TRIM2: variants seen among roughly 807,000 people sequenced by gnomAD.
TRIM2 encodes tripartite motif-containing protein 2.
A neutral mutation model predicts 75.2 loss-of-function variants in TRIM2; 20 were observed. That is an observed-to-expected ratio of 0.27 (90% CI 0.19 to 0.39). The LOEUF (loss-of-function observed/expected upper bound fraction) is 0.39. Ranked by LOEUF, TRIM2 falls within the 10% of genes least tolerant of loss-of-function variation. The pLI, the probability that TRIM2 is intolerant of heterozygous loss-of-function variation, is 1.00. For missense variants in TRIM2, 660 were observed against 990.8 expected (o/e 0.67, Z 4.48); for synonymous variants, 373 against 388.3 (o/e 0.96, Z 0.46).
intron 6 of TRIM2, among the ~76,000 whole-genome samples, chr4:153,311,441 G>A (rs1766274439): frequency 6.6e-6 from 1 of 151,876 alleles, no homozygotes; most frequent in South Asian, 2.1e-4. Context: ...AAAGGCTAGA[G>A]GAAGGAGAGC....
upstream of TRIM2, among the ~76,000 whole-genome samples, chr4:153,203,775 C>A (rs1734719820): frequency 6.6e-6 from 1 of 152,090 alleles, no homozygotes; most frequent in African/African-American, 2.4e-5. Context: ...TCCTGTAATT[C>A]CAGCTACTCA....
chr4:153,217,019 T>A (rs1176533485), intron 1 of TRIM2, among the ~76,000 whole-genome samples: 3 of 152,232 alleles, frequency 2.0e-5, no homozygotes, highest in African/African-American at 7.2e-5. Flanking sequence ...TGAACTTTTA[T>A]TTCTCCCCAA....
At chr4:153,249,501 GT>G (rs1229538624) in intron 1 of TRIM2, among the ~76,000 whole-genome samples, 8 of 152,374 alleles carry the variant, frequency 5.3e-5, no homozygotes, top group Admixed American at 1.3e-4. Context: ...TGAATTACAT[GT>G]TGGTCTAAAA....
chr4:153,312,903 G>C (rs1215451303), intron 6 of TRIM2, among the ~76,000 whole-genome samples: 1 of 152,020 alleles, frequency 6.6e-6, no homozygotes, highest in Non-Finnish European at 1.5e-5. Context: ...TGCTGTACCT[G>C]TTACCTAGCT....
At chr4:153,187,199 CA>C (rs984335903) in intron 1 of TRIM2, among the ~76,000 whole-genome samples, 1 of 152,074 alleles carries the variant, frequency 6.6e-6, no homozygotes, top group African/African-American at 2.4e-5. Flanking sequence ...AATGCTAAAA[CA>C]GCACATTTTT....
At chr4:153,273,270 C>CTTTTTTGTTTTTTTTT (rs1757199560) in intron 2 of TRIM2, among the ~76,000 whole-genome samples, 1 of 57,390 alleles carries the variant, frequency 1.7e-5, no homozygotes, top group Non-Finnish European at 3.2e-5. Context: ...TACAGTCACT[C>CTTTTTTGTTTTTTTTT]TTTTTTTTTT....
chr4:153,272,944 T>G (rs920355491), intron 2 of TRIM2, among the ~76,000 whole-genome samples: 9 of 152,110 alleles, frequency 5.9e-5, no homozygotes, highest in Non-Finnish European at 8.8e-5. Flanking sequence ...GGTTAAGTGA[T>G]TCTCCTGCCT....
chr4:153,278,645 A>C lies in TRIM2; in HGVS notation c.453+2515A>C, dbSNP rs558339030. Among the ~76,000 whole-genome samples, 318 of 152,238 alleles carry C rather than the reference A, an allele frequency of 2.1e-3. 1 individual carries two copies. The highest frequency in any genetic ancestry group is 7.3e-3 in the African/African-American group (302 of 41,550). On this transcript the variant is annotated intron_variant, in intron 3 of 11. Transcript: ENST00000338700. ...GAAATCCCACCTCTACCAAAAATAC[A>C]AAAATCAGCTGGGCATGATGGGGCT...
chr4:153,207,155 C>A (rs555796136), intron 1 of TRIM2, among the ~76,000 whole-genome samples: 1 of 152,182 alleles, frequency 6.6e-6, no homozygotes, highest in Non-Finnish European at 1.5e-5. Flanking sequence ...TCATGATTCA[C>A]ACTTCAGGTC....
upstream of TRIM2, among the ~76,000 whole-genome samples, chr4:153,201,783 G>A (rs1734400740): frequency 6.6e-6 from 1 of 152,178 alleles, no homozygotes; most frequent in Admixed American, 6.5e-5. Flanking sequence ...ATGGTGTCCT[G>A]AAGCTTTTTA....
intron 1 of TRIM2, among the ~76,000 whole-genome samples, chr4:153,250,370 T>C (rs1750573998): frequency 6.6e-6 from 1 of 152,212 alleles, no homozygotes; most frequent in African/African-American, 2.4e-5. Flanking sequence ...TCTGCCCACC[T>C]TGGCCTCCAA....
At chr4:153,205,277 C>T (rs1425568848) in intron 1 of TRIM2, among the ~76,000 whole-genome samples, 1 of 152,194 alleles carries the variant, frequency 6.6e-6, no homozygotes, top group Non-Finnish European at 1.5e-5. Context: ...CCTCGGGGTG[C>T]TTGCTGGTTT....
intron 1 of TRIM2, among the ~76,000 whole-genome samples, chr4:153,218,592 C>T (rs1739116706): frequency 6.6e-6 from 1 of 152,152 alleles, no homozygotes. Context: ...CATTTTAATA[C>T]ATCCTTTCCA....
intron 1 of TRIM2, among the ~76,000 whole-genome samples, chr4:153,219,810 G>A (rs1385969937): frequency 6.6e-6 from 1 of 152,216 alleles, no homozygotes; most frequent in Non-Finnish European, 1.5e-5. Context: ...AGAGGTTGCA[G>A]TGAGCCGAGG....
intron 10 of TRIM2, among the ~76,000 whole-genome samples, chr4:153,326,732 G>A (rs191669806): frequency 6.6e-6 from 1 of 152,340 alleles, no homozygotes; most frequent in East Asian, 1.9e-4. Context: ...TGTAATCCCA[G>A]CACTCTGGGA....
chr4:153,263,330 A>G (rs1754051645), intron 1 of TRIM2, among the ~76,000 whole-genome samples: 1 of 152,098 alleles, frequency 6.6e-6, no homozygotes, highest in Non-Finnish European at 1.5e-5. Flanking sequence ...CCCTGTCTCA[A>G]AAAGAAAAAA....
intron 2 of TRIM2, among the ~76,000 whole-genome samples, chr4:153,273,922 A>G (rs749048939): frequency 6.6e-6 from 1 of 152,198 alleles, no homozygotes; most frequent in East Asian, 1.9e-4. Flanking sequence ...CAAAGGTGCT[A>G]TAGTGGGAGG....
chr4:153,296,165 A>C (rs1011469860), intron 6 of TRIM2, 129 bp downstream of exon 6: 1 of 1,190,466 alleles, frequency 8.4e-7, no homozygotes, highest in East Asian at 2.7e-5. Context: ...ATGTACTGCT[A>C]TAAAATTTGA....
At chr4:153,277,540 A>C (rs1758304925) in intron 3 of TRIM2, among the ~76,000 whole-genome samples, 2 of 152,290 alleles carry the variant, frequency 1.3e-5, no homozygotes, top group South Asian at 4.2e-4. Context: ...GAAGTCAATA[A>C]ATATTTGTTG....
Sources: gnomAD v4.1 joint callset for allele counts (sites outside exome capture counted in the v4.1 genomes callset) on GRCh38, gnomAD v4.1.1 for gene constraint, MANE v1.5 for transcripts, NCBI Gene and HGNC (gene_info 2026-07-23, HGNC 2026-07-21) for gene names.